The following CACNA1I variants were observed in gnomAD, a reference collection of about 807,000 sequenced individuals.
CACNA1I encodes voltage-dependent T-type calcium channel subunit alpha-1I.
CACNA1I carries 74 observed loss-of-function variants against 201.6 expected under a neutral mutation model. That is an observed-to-expected ratio of 0.37 (90% CI 0.30 to 0.45). The LOEUF (loss-of-function observed/expected upper bound fraction) is 0.45. Among genes scored for constraint, CACNA1I ranks in the 20% least tolerant of loss-of-function variants. The probability of loss-of-function intolerance (pLI) is 1.00; values close to 1 mark genes in which losing one functional copy is unlikely to be tolerated. For synonymous variants in CACNA1I, 1,431 were observed against 1,345.2 expected (o/e 1.06, Z -1.40); for missense variants, 2,346 against 3,138.1 (o/e 0.75, Z 6.03).
chr22:39,626,513 T>C (rs1236966688), intron 4 of CACNA1I, among the ~76,000 whole-genome samples: 3 of 152,074 alleles, frequency 2.0e-5, no homozygotes, highest in African/African-American at 7.2e-5. Context: ...CTGGGCATCG[T>C]GTGGGTGGGC....
At chr22:39,583,617 A>G (rs1272154305) in intron 1 of CACNA1I, among the ~76,000 whole-genome samples, 1 of 152,190 alleles carries the variant, frequency 6.6e-6, no homozygotes, top group African/African-American at 2.4e-5. Context: ...CCAAAACCCT[A>G]TTTACACAAC....
At chr22:39,651,519 C>T (rs1306175035) in intron 10 of CACNA1I, among the ~76,000 whole-genome samples, 1 of 152,178 alleles carries the variant, frequency 6.6e-6, no homozygotes, top group Non-Finnish European at 1.5e-5. Flanking sequence ...CCAGGACCCC[C>T]TTGCTTAGAG....
intron 1 of CACNA1I, among the ~76,000 whole-genome samples, chr22:39,583,762 T>C (rs1157457392): frequency 2.0e-5 from 3 of 152,256 alleles, no homozygotes; most frequent in African/African-American, 7.2e-5. Flanking sequence ...CACTCATCCT[T>C]TGAACCACTC....
intron 3 of CACNA1I, among the ~76,000 whole-genome samples, chr22:39,605,428 G>A (rs759896623): frequency 2.8e-4 from 43 of 152,132 alleles, no homozygotes; most frequent in Non-Finnish European, 5.0e-4. Context: ...TTTCTTTCAC[G>A]GAGCTGAAAC....
At chr22:39,571,403 C>T (rs935787575) in intron 1 of CACNA1I, among the ~76,000 whole-genome samples, 40 of 134,890 alleles carry the variant, frequency 3.0e-4, no homozygotes, top group African/African-American at 9.4e-4. Context: ...TCCCAACACA[C>T]AGGGCAGGAC....
intron 5 of CACNA1I, among the ~76,000 whole-genome samples, chr22:39,636,043 G>C (rs1178685898): frequency 6.6e-6 from 1 of 152,220 alleles, no homozygotes. Context: ...ACTCCTCCCA[G>C]GCCTAGAGCA....
intron 4 of CACNA1I, among the ~76,000 whole-genome samples, chr22:39,631,761 C>T (rs138957414): frequency 1.3e-5 from 2 of 152,312 alleles, no homozygotes; most frequent in African/African-American, 4.8e-5. Flanking sequence ...TCCAGAGGCA[C>T]TGAGGGCAGA....
At chr22:39,672,171 G>C in intron 26 of CACNA1I, 28 bp from the exon 27 acceptor site, 1 of 1,479,130 alleles carries the variant, frequency 6.8e-7, no homozygotes, top group Non-Finnish European at 9.5e-7. Context: ...ATGTGCCCTG[G>C]ATCATGCTTC....
Position 39,662,328 on chromosome 22 carries a change from C to A in CACNA1I, c.3265C>A (p.Pro1089Thr), listed in dbSNP as rs1386376720. The A allele has an allele frequency of 6.8e-7, 1 of 1,478,762 alleles. No homozygotes were observed. Among genetic ancestry groups the A allele is most frequent in the Non-Finnish European group, 8.9e-7 (1 of 1,123,102 alleles). The allele number at this position is 1,478,762 out of a possible 1,614,324, so 91.6% of individuals were successfully genotyped here. The change falls in exon 17 of 37, where the codon CCC becomes ACC. Residue 1089 changes from proline to threonine, a missense_variant. Around this residue, in one of 13 missense-constraint regions of CACNA1I, gnomAD observed 288 missense variants for 255.2 expected, o/e 1.13. Coordinates refer to ENST00000402142, the MANE Select transcript of CACNA1I (RefSeq NM_021096.4). ...RAAWRAAGPAPGHEDCNGRMP... is the reference protein window; with the variant it reads ...RAAWRAAGPATGHEDCNGRMP... ...CGCCTGGAGGGCGGCAGGCCCGGCC[C>A]CCGGGCATGAGGACTGCAATGGCAG... is the stretch of plus-strand genomic sequence containing the variant.
intron 1 of CACNA1I, among the ~76,000 whole-genome samples, chr22:39,577,504 A>G (rs1004210910): frequency 6.6e-6 from 1 of 152,182 alleles, no homozygotes; most frequent in Non-Finnish European, 1.5e-5. Flanking sequence ...ACGAGGGTTG[A>G]GGCTGTCGAA....
chr22:39,671,174 G>C (rs1935366832), intron 26 of CACNA1I, among the ~76,000 whole-genome samples: 1 of 152,212 alleles, frequency 6.6e-6, no homozygotes, highest in Non-Finnish European at 1.5e-5. Context: ...CAGAGGGAAG[G>C]TGGGTCAGGG....
At chr22:39,615,071 A>G (rs1360569313) in intron 3 of CACNA1I, among the ~76,000 whole-genome samples, 1 of 152,198 alleles carries the variant, frequency 6.6e-6, no homozygotes, top group African/African-American at 2.4e-5. Flanking sequence ...GTCAGCCCAC[A>G]AGGCGGCCCT....
Position 39,687,107 on chromosome 22 carries a change from A to G in CACNA1I, c.*702A>G, listed in dbSNP as rs558870443. ...GTCCACCGGTTAGATGTCTCTCTTT[A>G]GAAAAATCAGGGGTGAGTAGCTGTG... On this transcript the variant is annotated 3_prime_UTR_variant, in exon 37 of 37. Coordinates refer to ENST00000402142, the MANE Select transcript of CACNA1I (RefSeq NM_021096.4). 2 of 152,164 alleles carry G rather than the reference A, an allele frequency of 1.3e-5. No homozygotes were observed. The highest frequency in any genetic ancestry group is 2.9e-5 in the Non-Finnish European group (2 of 68,030). The allele number at this position is 152,164 out of a possible 1,614,324, so 9.4% of individuals were successfully genotyped here. A position where few individuals can be genotyped will look rare whatever the true frequency, so the allele number is the denominator to read the frequency against.
At position 39,678,096 on chromosome 22, in the gene CACNA1I, C is replaced by T. The variant is rs770015633; in HGVS notation, c.5043C>T (p.Asn1681=). The change falls in exon 31 of 37, where the codon AAC becomes AAT. Residue 1681 remains asparagine, a synonymous_variant. Coordinates refer to ENST00000402142, the MANE Select transcript of CACNA1I (RefSeq NM_021096.4). ...AGGTCTCCACGGGTGACAACTGGAA[C>T]GGGATCATGAAGGTACTCCTGGGCG... ...LFQVSTGDNW[N]GIMKDTLRDC... The T allele has an allele frequency of 7.4e-6, 12 of 1,611,732 alleles. No homozygotes were observed. The highest frequency in any genetic ancestry group is 4.0e-5 in the African/African-American group (3 of 74,918).
intron 7 of CACNA1I, among the ~76,000 whole-genome samples, chr22:39,645,363 G>A (rs565516187): frequency 6.6e-6 from 1 of 152,354 alleles, no homozygotes; most frequent in Non-Finnish European, 1.5e-5. Context: ...GAGGCCAGGA[G>A]GGGATGGAGG....
chr22:39,655,161 A>G (rs732381), intron 10 of CACNA1I, among the ~76,000 whole-genome samples: 2 of 151,844 alleles, frequency 1.3e-5, no homozygotes, highest in African/African-American at 4.8e-5. Flanking sequence ...TTGAGAGGAG[A>G]TAATGCATGG....
chr22:39,662,472 T>G, intron 17 of CACNA1I, 37 bp downstream of exon 17: 2 of 1,355,302 alleles, frequency 1.5e-6, no homozygotes, highest in Admixed American at 3.1e-5. Flanking sequence ...CCTGGTGCGG[T>G]GGGATAGGAC....
rs1156856428 is a variant in CACNA1I at position 39,677,973 on chromosome 22, C to T, written c.4934-14C>T. On this transcript the variant is annotated splice_polypyrimidine_tract_variant and intron_variant, in intron 30 of 36. Transcript: ENST00000402142. This position sits in a 1 kb window ranked among gnomAD's most constrained non-coding sequence, Gnocchi z 4.8. The stretch of plus-strand genomic sequence containing the variant: ...TCCGCCATCGGGCAGGGCTGACCTC[C>T]TCCCCGCTTCCAGTCTGCAACGACG... 6.3e-7 allele frequency: 1 copy of T among 1,577,180 alleles called. No homozygotes were observed. The highest frequency in any genetic ancestry group is 8.6e-7 in the Non-Finnish European group (1 of 1,162,364).
chr22:39,668,387 TGTAGCTG>T lies in CACNA1I; in HGVS notation c.4194+8_4194+14del. The T allele has an allele frequency of 6.3e-7, 1 of 1,597,042 alleles. No individual in the cohort carries two copies. ...CTGTTGCTGTGGACCAGCAGGTGGG[TGTAGCTG>T]GGACCAGGCCAAGCCTTGATGCAGG... is the stretch of plus-strand genomic sequence containing the variant. On this transcript the variant is annotated splice_region_variant and intron_variant, in intron 24 of 36. Transcript: ENST00000402142.
Sources: gnomAD v4.1 joint callset for allele counts (sites outside exome capture counted in the v4.1 genomes callset) on GRCh38, gnomAD v4.1.1 for gene constraint, gnomAD v4.1.1 regional missense constraint, Gnocchi (gnomAD v3.1) non-coding constraint, MANE v1.5 for transcripts, NCBI Gene and HGNC (gene_info 2026-07-23, HGNC 2026-07-21) for gene names.